Variants in PCDHGA3 observed in about 807,000 individuals in gnomAD.
PCDHGA3 encodes the protein protocadherin gamma subfamily A, 3.
A neutral mutation model predicts 58.5 loss-of-function variants in PCDHGA3; 40 were observed. The ratio of observed to expected loss-of-function variants is 0.68; its 90% CI spans 0.53 to 0.89. The LOEUF is 0.89. Among genes scored for constraint, PCDHGA3 ranks in the 40% least tolerant of loss-of-function variants. The probability of loss-of-function intolerance (pLI) is 0.00; values close to 1 mark genes in which losing one functional copy is unlikely to be tolerated. For missense variants in PCDHGA3, 1,223 were observed against 1,195.9 expected (o/e 1.02, Z -0.33); for synonymous variants, 530 against 525.7 (o/e 1.01, Z -0.11).
At position 141,477,539 on chromosome 5, in the gene PCDHGA3, C is replaced by G; in HGVS notation, c.2425-17268C>G. 2 of 1,614,172 alleles carry G rather than the reference C, an allele frequency of 1.2e-6. No individual in the cohort carries two copies. The highest frequency in any genetic ancestry group is 1.7e-6 in the Non-Finnish European group (2 of 1,180,030). On this transcript the variant is annotated intron_variant, in intron 1 of 3. Transcript: ENST00000253812. The surrounding 1 kb of genome is among the most constrained non-coding windows in gnomAD (Gnocchi z 4.9). ...TGAAGAAAACAACCTCCCCGGGGCT[C>G]CAATACTAAACCTAAGTGTCTGGGA...
chr5:141,384,491 G>A (rs1370590293), intron 1 of PCDHGA3: 7 of 1,614,160 alleles, frequency 4.3e-6, no homozygotes, highest in East Asian at 4.5e-5. Flanking sequence ...CTACAACTAA[G>A]AGTGACTGCA....
intron 1 of PCDHGA3, among the ~76,000 whole-genome samples, chr5:141,466,554 G>A (rs2099125028): frequency 6.6e-6 from 1 of 152,068 alleles, no homozygotes. Flanking sequence ...TTTGCTGTGG[G>A]CTTCATCTTC....
chr5:141,390,730 A>G (rs964390196), intron 1 of PCDHGA3: 1 of 195,852 alleles, frequency 5.1e-6, no homozygotes, highest in African/African-American at 2.4e-5. Flanking sequence ...TTTAACTGGT[A>G]TGGTCTCCAT....
chr5:141,354,356 T>A (rs894470317), intron 1 of PCDHGA3, among the ~76,000 whole-genome samples: 1 of 152,218 alleles, frequency 6.6e-6, no homozygotes. Context: ...GAGAACACAT[T>A]GTGAACAAGA....
In PCDHGA3 at chr5:141,476,299, C is replaced by T; in HGVS notation, c.2425-18508C>T. ...ACCTTGGTTTGGATCTCGGTAGCCT[C>T]TCAGCCCGCAGGTTCCGGGTGGTGT... On this transcript the variant is annotated intron_variant, in intron 1 of 3. Transcript: ENST00000253812. The surrounding 1 kb of genome is among the most constrained non-coding windows in gnomAD (Gnocchi z 7.6). The T allele has an allele frequency of 6.2e-7, 1 of 1,614,100 alleles. No individual in the cohort carries two copies. The highest frequency in any genetic ancestry group is 1.1e-5 in the South Asian group (1 of 91,074).
chr5:141,471,044 CT>C (rs1432278092), intron 1 of PCDHGA3, among the ~76,000 whole-genome samples: 3 of 136,442 alleles, frequency 2.2e-5, no homozygotes. Flanking sequence ...AGCCCAAGCC[CT>C]CTTTTTTTTT....
At chr5:141,371,761 CCTA>C (rs1486691481) in intron 1 of PCDHGA3, 4 of 1,614,030 alleles carry the variant, frequency 2.5e-6, no homozygotes, top group Non-Finnish European at 3.4e-6. Context: ...CACCAGGCCT[CCTA>C]CACCGTGCAT....
chr5:141,355,804 C>A, intron 1 of PCDHGA3: 2 of 1,613,356 alleles, frequency 1.2e-6, no homozygotes, highest in Non-Finnish European at 1.7e-6. Context: ...CGCTCTAGAT[C>A]GCGAGGAAGA....
In PCDHGA3 at chr5:141,477,428, T is replaced by C; in HGVS notation, c.2425-17379T>C. On this transcript the variant is annotated intron_variant, in intron 1 of 3. Transcript: ENST00000253812. The surrounding 1 kb of genome is among the most constrained non-coding windows in gnomAD (Gnocchi z 4.9). ...CCGAGACGCCGGAACCCCTTCCCTC[T>C]CAGCCCTTACAATAGTGCGTGTTCA... The C allele has an allele frequency of 6.2e-7, 1 of 1,614,142 alleles. No individual in the cohort carries two copies. Among genetic ancestry groups the C allele is most frequent in the Non-Finnish European group, 8.5e-7 (1 of 1,180,036 alleles).
intron 1 of PCDHGA3, among the ~76,000 whole-genome samples, chr5:141,368,397 A>C (rs1389287908): frequency 1.3e-5 from 2 of 152,166 alleles, no homozygotes; most frequent in African/African-American, 4.8e-5. Flanking sequence ...ACACACAAAC[A>C]CACATACATA....
At position 141,510,979 on chromosome 5, in the gene PCDHGA3, G is replaced by T; in HGVS notation, c.2605G>T (p.Gly869Cys). 3.7e-6 allele frequency: 6 copies of T among 1,614,156 alleles called. No individual in the cohort carries two copies. Among genetic ancestry groups the T allele is most frequent in the Non-Finnish European group, 4.2e-6 (5 of 1,180,018 alleles). Residue 869 changes from glycine to cysteine, a missense_variant, in exon 4 of 4, where the codon GGT becomes TGT. Gly to Cys is a radical substitution (Grantham distance 159). This residue lies in a region of PCDHGA3 where 325 missense variants were observed against 327.5 expected (regional missense o/e 0.99). Coordinates refer to ENST00000253812, the MANE Select transcript of PCDHGA3 (RefSeq NM_018916.4). ...TGATGGGAGCTCCACCCTGGGAGGGGGTGCCGGCACCATGGGATTGAGCGC... is the reference window on the plus strand; with the variant it reads ...TGATGGGAGCTCCACCCTGGGAGGGTGTGCCGGCACCATGGGATTGAGCGC... Reference protein sequence around the residue: ...AADGSSTLGGGAGTMGLSARY... With the variant: ...AADGSSTLGGCAGTMGLSARY...
In PCDHGA3 at chr5:141,428,146, C is replaced by G. The variant is rs549173211; in HGVS notation, c.2425-66661C>G. The G allele has an allele frequency of 1.3e-5, 21 of 1,589,348 alleles. No individual in the cohort carries two copies. The East Asian group carries it at 4.0e-4, about 30-fold the overall frequency. Reference sequence around the variant, plus strand: ...GGGCTTTTCAGCCTGGGGCTGCACACGGGAACCTGCTGGTTGCTGTGCGTG... The same window carrying G: ...GGGCTTTTCAGCCTGGGGCTGCACAGGGGAACCTGCTGGTTGCTGTGCGTG... On this transcript the variant is annotated intron_variant, in intron 1 of 3. Transcript: ENST00000253812.
intron 1 of PCDHGA3, among the ~76,000 whole-genome samples, chr5:141,447,779 A>T (rs770299374): frequency 2.0e-5 from 3 of 152,210 alleles, no homozygotes; most frequent in Non-Finnish European, 4.4e-5. Flanking sequence ...ACTTTAATTG[A>T]AAATAAATTT....
intron 1 of PCDHGA3, chr5:141,415,551 C>A (rs745641887): frequency 5.6e-6 from 9 of 1,614,014 alleles, no homozygotes; most frequent in Non-Finnish European, 7.6e-6. Context: ...GTGAGAAAAA[C>A]GATCCTTTGT....
intron 1 of PCDHGA3, chr5:141,356,229 C>A (rs371768602): frequency 1.3e-6 from 2 of 1,593,426 alleles, no homozygotes; most frequent in Admixed American, 1.8e-5. Flanking sequence ...AAAATGACAA[C>A]GCACCAGAAG....
At chr5:141,360,154 A>G (rs1287127604) in intron 1 of PCDHGA3, 1 of 1,603,902 alleles carries the variant, frequency 6.2e-7, no homozygotes, top group South Asian at 1.1e-5. Flanking sequence ...GAGCTCAGGG[A>G]GGTGCGGGCT....
At chr5:141,389,855 G>GAGAGC (rs2091946783) in intron 1 of PCDHGA3, 1 of 1,613,942 alleles carries the variant, frequency 6.2e-7, no homozygotes, top group Non-Finnish European at 8.5e-7. Flanking sequence ...CCACTGCCAC[G>GAGAGC]TTGCACCTGG....
intron 1 of PCDHGA3, among the ~76,000 whole-genome samples, chr5:141,481,443 C>T (rs971405190): frequency 1.3e-5 from 2 of 152,174 alleles, no homozygotes; most frequent in African/African-American, 4.8e-5. Flanking sequence ...CAGTTTAGTA[C>T]ATGTAAATAC....
At chr5:141,347,069 T>C (rs60197562) in intron 1 of PCDHGA3, among the ~76,000 whole-genome samples, 1 of 142,486 alleles carries the variant, frequency 7.0e-6, no homozygotes, top group Non-Finnish European at 1.5e-5. Context: ...CTTCCTTCCT[T>C]CCTCTCTCTC....
Sources: allele counts gnomAD v4.1 joint callset (sites outside exome capture counted in the v4.1 genomes callset), GRCh38; gene constraint gnomAD v4.1.1; regional missense constraint gnomAD v4.1.1; non-coding constraint Gnocchi (gnomAD v3.1); transcripts MANE v1.5; gene names NCBI Gene and HGNC (gene_info 2026-07-23, HGNC 2026-07-21).